BRSK2: variants seen among roughly 807,000 people sequenced by gnomAD.
The protein encoded by BRSK2 is serine/threonine-protein kinase BRSK2.
Under a neutral mutation model 83.3 loss-of-function variants are expected in BRSK2, and 19 were observed. The observed-to-expected ratio is 0.23, with a 90% confidence interval of 0.16 to 0.33. The LOEUF is 0.33. Among genes scored for constraint, BRSK2 ranks in the 10% least tolerant of loss-of-function variants. The pLI, the probability that BRSK2 is intolerant of heterozygous loss-of-function variation, is 1.00. For missense variants in BRSK2, 798 were observed against 1,042.3 expected (o/e 0.77, Z 3.23); for synonymous variants, 519 against 435.4 (o/e 1.19, Z -2.39).
Position 1,433,167 on chromosome 11 carries a change from G to T in BRSK2, c.92-2873G>T, listed in dbSNP as rs184453024. On this transcript the variant is annotated intron_variant, in intron 1 of 19. Coordinates refer to ENST00000528841, the MANE Select transcript of BRSK2 (RefSeq NM_001256627.2). ...GGTCAGGTTTTGCCACTGTCTAACAGCTGCCCTGTGCCCTTGGTGGCTGTG... is the reference window on the plus strand; with the variant it reads ...GGTCAGGTTTTGCCACTGTCTAACATCTGCCCTGTGCCCTTGGTGGCTGTG... 7.9e-5 allele frequency among the ~76,000 whole-genome samples: 12 copies of T among 152,362 alleles called. No individual in the cohort carries two copies. In the East Asian group the frequency reaches 1.3e-3, roughly 17 times the overall value.
Position 1,454,560 on chromosome 11 carries a change from C to T in BRSK2, c.1620C>T (p.Asp540=), listed in dbSNP as rs141526454. 2.5e-6 allele frequency: 4 copies of T among 1,613,280 alleles called. No individual in the cohort carries two copies. Among genetic ancestry groups the T allele is most frequent in the Admixed American group, 3.3e-5 (2 of 60,010 alleles). Residue 540 remains aspartate (D), a synonymous_variant, in exon 16 of 20, where the codon GAC becomes GAT. Coordinates refer to ENST00000528841, the MANE Select transcript of BRSK2 (RefSeq NM_001256627.2). This position sits in a 1 kb window ranked among gnomAD's most constrained non-coding sequence, Gnocchi z 5.2. ...AGCAGATCTTCGTGGTCATCAAAGA[C>T]AAACCTCTGAGCTCCATCAAGGCTG... is the stretch of plus-strand genomic sequence containing the variant. ...KEEQIFVVIK[D]KPLSSIKADI...
At chr11:1,434,617 C>T (rs539499648) in intron 1 of BRSK2, among the ~76,000 whole-genome samples, 2 of 138,352 alleles carry the variant, frequency 1.4e-5, no homozygotes, top group East Asian at 4.4e-4. Context: ...TAACCTGGGC[C>T]GGCTCTGGGT....
intron 1 of BRSK2, among the ~76,000 whole-genome samples, chr11:1,434,406 C>T (rs1370189061): frequency 4.3e-5 from 4 of 92,012 alleles, no homozygotes; most frequent in South Asian, 8.5e-4. Flanking sequence ...GCCGGCTCTG[C>T]GTGTCTGGGG....
At chr11:1,403,985 G>T (rs1846666132) in intron 1 of BRSK2, among the ~76,000 whole-genome samples, 2 of 152,208 alleles carry the variant, frequency 1.3e-5, no homozygotes, top group African/African-American at 4.8e-5. Flanking sequence ...GGCGAATGGG[G>T]TGAGCCTGGC....
At chr11:1,435,895 A>T (rs1850240398) in intron 1 of BRSK2, 145 bp from the exon 2 acceptor site, 9 of 592,864 alleles carry the variant, frequency 1.5e-5, no homozygotes, top group Admixed American at 3.2e-5. Flanking sequence ...ACAGCGACCC[A>T]GGCGGGCAGG....
chr11:1,403,011 A>G (rs1332697376), intron 1 of BRSK2, among the ~76,000 whole-genome samples: 1 of 152,058 alleles, frequency 6.6e-6, no homozygotes, highest in Non-Finnish European at 1.5e-5. Context: ...GCGTTTGCAG[A>G]TGGCGTGGGT....
chr11:1,404,684 T>C (rs1846711451), intron 1 of BRSK2, among the ~76,000 whole-genome samples: 2 of 152,190 alleles, frequency 1.3e-5, no homozygotes. Context: ...TGCTAACGTT[T>C]GGGAGGGTAG....
At chr11:1,412,785 G>A (rs1847669282) in intron 1 of BRSK2, among the ~76,000 whole-genome samples, 1 of 149,656 alleles carries the variant, frequency 6.7e-6, no homozygotes, top group African/African-American at 2.6e-5. Context: ...TGGCTGCACA[G>A]ATCAACCCAG....
chr11:1,437,993 G>T (rs1850560780), intron 2 of BRSK2, among the ~76,000 whole-genome samples: 2 of 152,072 alleles, frequency 1.3e-5, no homozygotes, highest in Non-Finnish European at 2.9e-5. Context: ...CTCTCCACCA[G>T]CCAGGGCCCC....
intron 1 of BRSK2, among the ~76,000 whole-genome samples, chr11:1,422,721 G>A (rs1235599631): frequency 2.6e-5 from 4 of 152,190 alleles, no homozygotes; most frequent in Admixed American, 2.0e-4. Context: ...AGGCCTGACC[G>A]TCCAAGGCTC....
intron 1 of BRSK2, among the ~76,000 whole-genome samples, chr11:1,415,173 C>G (rs771897087): frequency 9.4e-5 from 14 of 148,788 alleles, no homozygotes; most frequent in Non-Finnish European, 2.1e-4. Context: ...CGGCTCACTG[C>G]AAGCTCCGCC....
intron 1 of BRSK2, chr11:1,410,885 C>T (rs962606625): frequency 3.2e-5 from 32 of 985,860 alleles, no homozygotes; most frequent in African/African-American, 7.0e-5. Flanking sequence ...GGAGGGCCTT[C>T]GACGGCCCTT....
At chr11:1,420,520 C>T (rs1417013128) in intron 1 of BRSK2, among the ~76,000 whole-genome samples, 1 of 152,242 alleles carries the variant, frequency 6.6e-6, no homozygotes, top group African/African-American at 2.4e-5. Context: ...CCCGTCACGG[C>T]CAGGCTCCCT....
intron 12 of BRSK2, among the ~76,000 whole-genome samples, chr11:1,449,103 C>T (rs1262875715): frequency 6.6e-6 from 1 of 152,242 alleles, no homozygotes; most frequent in Non-Finnish European, 1.5e-5. Context: ...GCACAGCCGT[C>T]CTGGTCCCTG....
intron 1 of BRSK2, among the ~76,000 whole-genome samples, chr11:1,424,302 C>A (rs1038791527): frequency 2.6e-5 from 4 of 152,150 alleles, no homozygotes; most frequent in South Asian, 4.1e-4. Flanking sequence ...AGGCCCTCAC[C>A]CCCTACTGCC....
chr11:1,440,037 C>T (rs1850981256), intron 3 of BRSK2, among the ~76,000 whole-genome samples: 1 of 152,204 alleles, frequency 6.6e-6, no homozygotes, highest in Non-Finnish European at 1.5e-5. Flanking sequence ...GGTGCCACCC[C>T]CTTGGCTGTA....
At position 1,460,864 on chromosome 11, in the gene BRSK2, G is replaced by A. The variant is rs1307082974; in HGVS notation, c.*141G>A. On this transcript the variant is annotated 3_prime_UTR_variant, in exon 20 of 20. Coordinates refer to ENST00000528841, the MANE Select transcript of BRSK2 (RefSeq NM_001256627.2). ...GAGCCTGGGAGGAAAGGAAAGGGGC[G>A]TTGGGGCCGGCCTGTGGGCTGCGCC... 23 of 1,571,278 alleles carry A rather than the reference G, an allele frequency of 1.5e-5. No individual in the cohort carries two copies. The Middle Eastern group carries it at 5.0e-4, about 34-fold the overall frequency.
intron 12 of BRSK2, chr11:1,447,960 T>A: frequency 8.1e-7 from 1 of 1,228,748 alleles, no homozygotes; most frequent in Non-Finnish European, 1.2e-6. Flanking sequence ...GGTGGCGGGC[T>A]GGGCTGCAGG....
At chr11:1,458,152 G>A (rs1377608607) in intron 18 of BRSK2, among the ~76,000 whole-genome samples, 4 of 152,068 alleles carry the variant, frequency 2.6e-5, no homozygotes, top group Non-Finnish European at 4.4e-5. Flanking sequence ...AACGGGCCCC[G>A]GGGTACTGCC....
Sources: gnomAD v4.1 joint callset for allele counts (sites outside exome capture counted in the v4.1 genomes callset) on GRCh38, gnomAD v4.1.1 for gene constraint, Gnocchi (gnomAD v3.1) non-coding constraint, MANE v1.5 for transcripts, NCBI Gene and HGNC (gene_info 2026-07-23, HGNC 2026-07-21) for gene names.